RGS6: variants seen among roughly 807,000 people sequenced by gnomAD.
RGS6 encodes regulator of G protein signaling 6.
In RGS6, 30 loss-of-function variants were observed where a neutral mutation model predicts 78.5. The observed-to-expected ratio is 0.38, with a 90% confidence interval of 0.29 to 0.52. RGS6 has a LOEUF of 0.52. Among genes scored for constraint, RGS6 ranks in the 20% least tolerant of loss-of-function variants. The probability of loss-of-function intolerance (pLI) is 0.85; values close to 1 mark genes in which losing one functional copy is unlikely to be tolerated. For synonymous variants in RGS6, 206 were observed against 206.0 expected (o/e 1.00, Z 0.00); for missense variants, 495 against 609.7 (o/e 0.81, Z 1.98).
At chr14:71,985,170 C>T (rs2094641598) in intron 2 of RGS6, among the ~76,000 whole-genome samples, 1 of 152,182 alleles carries the variant, frequency 6.6e-6, no homozygotes, top group South Asian at 2.1e-4. Context: ...TGTCACCAGG[C>T]TGGAGTGCAG....
intron 12 of RGS6, among the ~76,000 whole-genome samples, chr14:72,492,041 A>G (rs1340319078): frequency 6.6e-6 from 1 of 152,202 alleles, no homozygotes; most frequent in African/African-American, 2.4e-5. Flanking sequence ...ACCTGAAAAT[A>G]AGAGAATTAA....
intron 2 of RGS6, among the ~76,000 whole-genome samples, chr14:72,101,543 T>C (rs1375593629): frequency 6.6e-6 from 1 of 152,212 alleles, no homozygotes. Context: ...GCTTTCTGCT[T>C]CTGAGGTCTC....
chr14:72,313,597 C>T (rs906644540), intron 2 of RGS6, among the ~76,000 whole-genome samples: 5 of 152,320 alleles, frequency 3.3e-5, no homozygotes, highest in African/African-American at 9.6e-5. Context: ...CCCCTGAAAT[C>T]AGGGAGCCAA....
chr14:72,073,954 C>T (rs2094491614), intron 2 of RGS6, among the ~76,000 whole-genome samples: 1 of 152,066 alleles, frequency 6.6e-6, no homozygotes, highest in Non-Finnish European at 1.5e-5. Context: ...GTACTAAGCC[C>T]ACTTTGGTGT....
At chr14:72,213,427 C>A (rs1425954874) in intron 2 of RGS6, among the ~76,000 whole-genome samples, 1 of 152,126 alleles carries the variant, frequency 6.6e-6, no homozygotes, top group Non-Finnish European at 1.5e-5. Flanking sequence ...CTCCAAACTC[C>A]CTTTCTCTGT....
intron 2 of RGS6, among the ~76,000 whole-genome samples, chr14:72,231,007 A>T (rs1016550483): frequency 2.6e-5 from 4 of 152,202 alleles, no homozygotes; most frequent in Admixed American, 2.6e-4. Flanking sequence ...AGTTCCACAG[A>T]GATAAATACC....
chr14:72,228,396 TAA>T (rs370468956), intron 2 of RGS6, among the ~76,000 whole-genome samples: 17,459 of 151,692 alleles, frequency 0.12, 1,251 homozygotes, highest in East Asian at 0.33. Flanking sequence ...ATAATAATAA[TAA>T]AATAAAAATA....
At chr14:72,166,900 A>G (rs2096935557) in intron 2 of RGS6, among the ~76,000 whole-genome samples, 2 of 152,238 alleles carry the variant, frequency 1.3e-5, no homozygotes, top group Non-Finnish European at 2.9e-5. Context: ...TGGTAGCTGA[A>G]CTAATTTAAT....
chr14:71,934,676 G>A (rs1317558686), intron 1 of RGS6, among the ~76,000 whole-genome samples: 3 of 152,162 alleles, frequency 2.0e-5, no homozygotes, highest in African/African-American at 4.8e-5. Context: ...TGTTTTTGAA[G>A]TAAGTAGACG....
chr14:72,335,834 C>T (rs79963077), intron 2 of RGS6, among the ~76,000 whole-genome samples: 1,707 of 152,260 alleles, frequency 0.011, 14 homozygotes, highest in South Asian at 0.024. Context: ...ATAAGATATT[C>T]GGGAAGAAGA....
intron 2 of RGS6, among the ~76,000 whole-genome samples, chr14:72,192,589 C>G (rs1447729313): frequency 6.6e-6 from 1 of 152,224 alleles, no homozygotes; most frequent in East Asian, 1.9e-4. Flanking sequence ...ACATTAACGC[C>G]TTGCCAATTT....
intron 12 of RGS6, among the ~76,000 whole-genome samples, chr14:72,489,543 G>T (rs1035710547): frequency 6.6e-6 from 1 of 152,154 alleles, no homozygotes; most frequent in Non-Finnish European, 1.5e-5. Flanking sequence ...AAATCATTAT[G>T]GATTATCCAG....
At chr14:72,201,541 T>C (rs539938000) in intron 2 of RGS6, among the ~76,000 whole-genome samples, 2 of 152,340 alleles carry the variant, frequency 1.3e-5, no homozygotes, top group East Asian at 3.9e-4. Flanking sequence ...GATTGTTAAA[T>C]AACAGTACTC....
intron 3 of RGS6, among the ~76,000 whole-genome samples, chr14:72,448,480 C>A (rs2095419421): frequency 6.6e-6 from 1 of 150,544 alleles, no homozygotes; most frequent in South Asian, 2.1e-4. Flanking sequence ...GCTAGCTGAT[C>A]ATTGCATTTT....
chr14:72,520,942 G>C (rs1432846616), intron 15 of RGS6, among the ~76,000 whole-genome samples: 1 of 152,162 alleles, frequency 6.6e-6, no homozygotes, highest in Non-Finnish European at 1.5e-5. Context: ...AGAATAAGCT[G>C]TTTCTCCAAG....
chr14:71,935,047 C>T (rs746396390), intron 1 of RGS6, among the ~76,000 whole-genome samples: 2 of 152,084 alleles, frequency 1.3e-5, no homozygotes, highest in Non-Finnish European at 2.9e-5. Context: ...TGCATTTAAC[C>T]TCTTCATTTT....
At chr14:72,520,806 CTTTTATTGATGCTTGGATT>C (rs2097027052) in intron 15 of RGS6, among the ~76,000 whole-genome samples, 1 of 152,194 alleles carries the variant, frequency 6.6e-6, no homozygotes, top group Non-Finnish European at 1.5e-5. Flanking sequence ...TTGCTGATTA[CTTTTATTGATGCTTGGATT>C]GGGCCATCTC....
intron 2 of RGS6, among the ~76,000 whole-genome samples, chr14:72,140,182 G>C (rs537385377): frequency 1.2e-4 from 19 of 152,250 alleles, no homozygotes; most frequent in Admixed American, 3.3e-4. Flanking sequence ...AGCTTCATGG[G>C]CACCAGCATC....
At chr14:72,559,420 A>G (rs1455297945) in intron 17 of RGS6, among the ~76,000 whole-genome samples, 2 of 152,206 alleles carry the variant, frequency 1.3e-5, no homozygotes, top group East Asian at 3.8e-4. Context: ...CCATGCCCGC[A>G]TCCTGCATGA....
Sources: gnomAD v4.1 joint callset for allele counts (sites outside exome capture counted in the v4.1 genomes callset) on GRCh38, gnomAD v4.1.1 for gene constraint, MANE v1.5 for transcripts, NCBI Gene and HGNC (gene_info 2026-07-23, HGNC 2026-07-21) for gene names.